The following CDCA2 variants were observed in gnomAD, a reference collection of about 807,000 sequenced individuals.
The protein encoded by CDCA2 is cell division cycle-associated protein 2.
A neutral mutation model predicts 67.0 loss-of-function variants in CDCA2; 44 were observed. That is an observed-to-expected ratio of 0.66 (90% CI 0.52 to 0.84). The LOEUF is 0.84. Ranked by LOEUF, CDCA2 falls within the 40% of genes least tolerant of loss-of-function variation. The pLI, the probability that CDCA2 is intolerant of heterozygous loss-of-function variation, is 0.00. For synonymous variants in CDCA2, 447 were observed against 418.7 expected (o/e 1.07, Z -0.82); for missense variants, 1,253 against 1,203.2 (o/e 1.04, Z -0.61).
At chr8:25,482,249 A>G (rs899860064) in intron 8 of CDCA2, among the ~76,000 whole-genome samples, 10 of 152,252 alleles carry the variant, frequency 6.6e-5, no homozygotes, top group African/African-American at 1.7e-4. Flanking sequence ...CCTCAAGAAT[A>G]TAGTAATGTA....
Position 25,503,535 on chromosome 8 carries a change from CTG to C in CDCA2, c.1835_1836del (p.Leu612ArgfsTer18). 1 of 1,607,732 alleles carries C rather than the reference CTG, an allele frequency of 6.2e-7. No individual in the cohort carries two copies. Among genetic ancestry groups the C allele is most frequent in the South Asian group, 1.1e-5 (1 of 89,380 alleles). On this transcript the variant is annotated frameshift_variant, in exon 14 of 15. Transcript: ENST00000330560. LOFTEE classifies it low-confidence loss of function (END_TRUNC). ...MTPSIPSIRR[L>X]GSGYFSSNGK... ...ACCTTCCATTCCGAGCATCCGAAGA[CTG>C]GGTTCAGGTATCCTGACATTTTCCT...
intron 13 of CDCA2, among the ~76,000 whole-genome samples, chr8:25,492,783 G>A (rs955449127): frequency 2.0e-5 from 3 of 152,162 alleles, no homozygotes; most frequent in Non-Finnish European, 2.9e-5. Context: ...TTGTTGTGCA[G>A]GACAATGTGA....
At chr8:25,487,097 G>C (rs1313555562) in intron 11 of CDCA2, 149 bp from the exon 12 acceptor site, 1 of 564,602 alleles carries the variant, frequency 1.8e-6, no homozygotes, top group African/African-American at 2.0e-5. Flanking sequence ...AAAAAAATTG[G>C]ATTTCAAAAT....
intron 8 of CDCA2, among the ~76,000 whole-genome samples, chr8:25,482,992 T>C (rs560270063): frequency 6.6e-6 from 1 of 152,332 alleles, no homozygotes; most frequent in East Asian, 1.9e-4. Context: ...TATGCCATTA[T>C]ATAAAAGGGA....
chr8:25,463,392 C>G (rs1391092548), intron 4 of CDCA2, among the ~76,000 whole-genome samples: 1 of 152,096 alleles, frequency 6.6e-6, no homozygotes, highest in Non-Finnish European at 1.5e-5. Context: ...GGTGATGTAG[C>G]TCATATAACA....
intron 14 of CDCA2, 158 bp downstream of exon 14, chr8:25,503,702 A>C: frequency 1.5e-6 from 1 of 645,178 alleles, no homozygotes; most frequent in Non-Finnish European, 2.6e-6. Context: ...TTTCAAATGG[A>C]GGAAACAGTC....
chr8:25,460,810 A>G (rs1802654013), intron 3 of CDCA2, among the ~76,000 whole-genome samples: 1 of 152,178 alleles, frequency 6.6e-6, no homozygotes, highest in Non-Finnish European at 1.5e-5. Context: ...CTAGAAAATA[A>G]TGTGTGTGTG....
intron 10 of CDCA2, 123 bp from the exon 11 acceptor site, chr8:25,485,636 G>A: frequency 2.0e-6 from 1 of 503,948 alleles, no homozygotes; most frequent in Non-Finnish European, 3.5e-6. Context: ...ATCTTTTATT[G>A]ATTACCCATC....
At chr8:25,460,906 A>C (rs1248604089) in intron 3 of CDCA2, among the ~76,000 whole-genome samples, 5 of 152,188 alleles carry the variant, frequency 3.3e-5, no homozygotes, top group Admixed American at 1.3e-4. Context: ...TTATGGCAAA[A>C]ATAAGAGAAA....
chr8:25,505,940 C>T (rs1387977237), intron 14 of CDCA2, among the ~76,000 whole-genome samples: 1 of 152,026 alleles, frequency 6.6e-6, no homozygotes, highest in African/African-American at 2.4e-5. Flanking sequence ...AATTAAGGGT[C>T]GATTTTTATA....
chr8:25,480,055 C>G lies in CDCA2; in HGVS notation c.963C>G (p.Thr321=), dbSNP rs908621967. The G allele has an allele frequency of 6.2e-7, 1 of 1,614,144 alleles. No individual in the cohort carries two copies. Among genetic ancestry groups the G allele is most frequent in the Non-Finnish European group, 8.5e-7 (1 of 1,180,026 alleles). ...CAGCCTGCAGGAGGGACCTTCCCAC[C>G]CCCAAGACCTTTGTACTTCGTTCTG... ...ATPACRRDLP[T]PKTFVLRSVL... is the part of the protein sequence containing the mutation. The change falls in exon 8 of 15, where the codon ACC becomes ACG. Residue 321 remains threonine, a synonymous_variant. Coordinates refer to ENST00000330560, the MANE Select transcript of CDCA2 (RefSeq NM_152562.4).
rs572533364 is a variant in CDCA2 at position 25,481,493 on chromosome 8, G to A, written c.1032+1369G>A. Among the ~76,000 whole-genome samples, 22 of 152,050 alleles carry A rather than the reference G, an allele frequency of 1.4e-4. No individual in the cohort carries two copies. In the South Asian group the frequency reaches 3.3e-3, roughly 23 times the overall value. On this transcript the variant is annotated intron_variant, in intron 8 of 14. Coordinates refer to ENST00000330560, the MANE Select transcript of CDCA2 (RefSeq NM_152562.4). The stretch of plus-strand genomic sequence containing the variant: ...ATCACAAGGTCAGGAGATAGAGACC[G>A]TCCTGGCTGACACAGTGAAACCCCA...
intron 7 of CDCA2, among the ~76,000 whole-genome samples, chr8:25,472,736 A>G (rs1222639124): frequency 6.6e-6 from 1 of 152,042 alleles, no homozygotes. Flanking sequence ...TGAATGACAA[A>G]CCATAACTGT....
intron 7 of CDCA2, among the ~76,000 whole-genome samples, chr8:25,475,464 A>G (rs1468632643): frequency 6.6e-6 from 1 of 152,216 alleles, no homozygotes; most frequent in African/African-American, 2.4e-5. Context: ...GGTTGCAGTG[A>G]GCCGAGATTG....
At chr8:25,501,330 T>G (rs1427601975) in intron 13 of CDCA2, among the ~76,000 whole-genome samples, 1 of 152,248 alleles carries the variant, frequency 6.6e-6, no homozygotes, top group Non-Finnish European at 1.5e-5. Flanking sequence ...CTCTTGAATC[T>G]CACCATTAGT....
At position 25,483,417 on chromosome 8, in the gene CDCA2, T is replaced by C; in HGVS notation, c.1051T>C (p.Tyr351His). ...TGTTTAGGAACACTGTAACAACCTC[T>C]ATGATGATGATGGGACTCATCCGAG... is the stretch of plus-strand genomic sequence containing the variant. ...ESLQEHCNNLYDDDGTHPSLI... is the reference protein window; with the variant it reads ...ESLQEHCNNLHDDDGTHPSLI... Residue 351 changes from tyrosine (Y) to histidine (H), a missense_variant, in exon 9 of 15, where the codon TAT becomes CAT. Coordinates refer to ENST00000330560, the MANE Select transcript of CDCA2 (RefSeq NM_152562.4). The C allele has an allele frequency of 1.2e-6, 2 of 1,608,286 alleles. No homozygotes were observed. Among genetic ancestry groups the C allele is most frequent in the Non-Finnish European group, 1.7e-6 (2 of 1,177,176 alleles).
At chr8:25,482,152 T>C (rs748847967) in intron 8 of CDCA2, among the ~76,000 whole-genome samples, 1 of 152,204 alleles carries the variant, frequency 6.6e-6, no homozygotes, top group Non-Finnish European at 1.5e-5. Context: ...GGGCTTACAA[T>C]ATCCCTTCTT....
intron 13 of CDCA2, among the ~76,000 whole-genome samples, chr8:25,492,157 A>G (rs1340774783): frequency 6.6e-6 from 1 of 151,730 alleles, no homozygotes; most frequent in Non-Finnish European, 1.5e-5. Context: ...CTTGTTGCCC[A>G]GGCTGGTCTC....
At chr8:25,478,430 T>TA (rs1803433373) in intron 7 of CDCA2, among the ~76,000 whole-genome samples, 1 of 152,154 alleles carries the variant, frequency 6.6e-6, no homozygotes, top group South Asian at 2.1e-4. Flanking sequence ...AATCCCCTGT[T>TA]ACAGTTTTTC....
Sources: gnomAD v4.1 joint callset for allele counts (sites outside exome capture counted in the v4.1 genomes callset) on GRCh38, gnomAD v4.1.1 for gene constraint, MANE v1.5 for transcripts, NCBI Gene and HGNC (gene_info 2026-07-23, HGNC 2026-07-21) for gene names.